BPTF: variants seen among roughly 807,000 people sequenced by gnomAD.
BPTF encodes the protein nucleosome-remodeling factor subunit BPTF.
Under a neutral mutation model 292.5 loss-of-function variants are expected in BPTF, and 18 were observed. The observed-to-expected ratio is 0.06, with a 90% CI of 0.04 to 0.09. The LOEUF is 0.09. BPTF is among the 10% of genes least tolerant of loss of function. BPTF has a pLI of 1.00. For missense variants in BPTF, 2,726 were observed against 3,498.7 expected, an observed-to-expected ratio of 0.78 and a Z score of 5.57; for synonymous variants, 1,225 against 1,251.9, an observed-to-expected ratio of 0.98 and a Z score of 0.45.
intron 9 of BPTF, among the ~76,000 whole-genome samples, chr17:67,907,969 A>G (rs1399694097): frequency 1.3e-5 from 2 of 152,140 alleles, no homozygotes; most frequent in African/African-American, 4.8e-5. Context: ...ATAAACTTCA[A>G]GGAGTCCAAG....
chr17:67,977,165 T>C (rs2069589932), intron 27 of BPTF, among the ~76,000 whole-genome samples: 2 of 152,162 alleles, frequency 1.3e-5, no homozygotes, highest in Non-Finnish European at 2.9e-5. Context: ...AGAATAAATA[T>C]ATTTTCAGTC....
Position 67,854,123 on chromosome 17 carries a change from G to C in BPTF, c.797G>C (p.Arg266Pro). The C allele has an allele frequency of 6.2e-7, 1 of 1,614,124 alleles. No individual in the cohort carries two copies. Among genetic ancestry groups the C allele is most frequent in the Non-Finnish European group, 8.5e-7 (1 of 1,180,020 alleles). ...FGTVLRLSPF[R>P]FEDFCAALVS... is the part of the protein sequence containing the mutation. ...ACTGTTTTGAGATTATCTCCTTTTC[G>C]CTTTGAGGACTTTTGTGCAGCTCTG... The change falls in exon 2 of 28, where the codon CGC becomes CCC. Residue 266 changes from arginine to proline, a missense_variant. Around this residue, in one of 22 missense-constraint regions of BPTF, gnomAD observed 102 missense variants for 212.6 expected, o/e 0.48. Coordinates refer to ENST00000306378, the MANE Select transcript of BPTF (RefSeq NM_182641.4). This position sits in a 1 kb window ranked among gnomAD's most constrained non-coding sequence, Gnocchi z 5.6.
chr17:67,893,982 A>G (rs578191805), intron 6 of BPTF, 52 bp from the exon 7 acceptor site: 76 of 1,594,196 alleles, frequency 4.8e-5, no homozygotes, highest in Admixed American at 6.9e-5. Context: ...TTGTGCTTTT[A>G]ATTTAAGGTC....
At position 67,911,956 on chromosome 17, in the gene BPTF, G is replaced by A. The variant is rs2062682045; in HGVS notation, c.4072G>A (p.Gly1358Ser). ...RLPVKGTEAN[G>S]KKPSQQKKLE... ...GCCGGTCAAGGGGACTGAAGCAAAT[G>A]GTAAAAAACCAAGTCAGCAGAAGAA... Residue 1358 changes from glycine (G) to serine (S), a missense_variant, in exon 11 of 28, where the codon GGT (glycine) becomes AGT (serine). Around this residue, in one of 22 missense-constraint regions of BPTF, gnomAD observed 713 missense variants for 714.9 expected, o/e 1.00. Transcript: ENST00000306378. 1 of 1,613,874 alleles carries A rather than the reference G, an allele frequency of 6.2e-7. No homozygotes were observed. Among genetic ancestry groups the A allele is most frequent in the Non-Finnish European group, 8.5e-7 (1 of 1,179,970 alleles).
rs564669703 is a variant in BPTF, at chr17:67,852,420, C to G, written c.614-1520C>G. On this transcript the variant is annotated intron_variant, in intron 1 of 27. Transcript: ENST00000306378. The stretch of plus-strand genomic sequence containing the variant: ...TACTATAAAAAGATTCTTATATGAC[C>G]TCTTAGATATATATATACCTTATCA... Among the ~76,000 whole-genome samples, 5 of 151,800 alleles carry G rather than the reference C, an allele frequency of 3.3e-5. No homozygotes were observed. In the South Asian group the frequency reaches 1.0e-3, roughly 32 times the overall value.
At chr17:67,857,774 ATTTC>A (rs1325947890) in intron 2 of BPTF, among the ~76,000 whole-genome samples, 2 of 127,398 alleles carry the variant, frequency 1.6e-5, no homozygotes, top group African/African-American at 3.0e-5. Flanking sequence ...GACTAACAAT[ATTTC>A]TTTCTTTTTT....
At chr17:67,925,766 A>G (rs2063816818) in intron 15 of BPTF, among the ~76,000 whole-genome samples, 1 of 152,078 alleles carries the variant, frequency 6.6e-6, no homozygotes, top group African/African-American at 2.4e-5. Context: ...CTTTCATTTT[A>G]TAAAACATTT....
Position 67,866,769 on chromosome 17 carries a change from A to G in BPTF, c.1660+82A>G, listed in dbSNP as rs546108527. On this transcript the variant is annotated intron_variant, in intron 3 of 27. Coordinates refer to ENST00000306378, the MANE Select transcript of BPTF (RefSeq NM_182641.4). Reference sequence around the variant, plus strand: ...TGAAATCACTGCAAAATTTGAAAATAGATTAAAATTTTCAAGTACAGTCGT... The same window carrying G: ...TGAAATCACTGCAAAATTTGAAAATGGATTAAAATTTTCAAGTACAGTCGT... 40 of 1,134,508 alleles carry G rather than the reference A, an allele frequency of 3.5e-5. No individual in the cohort carries two copies. The African/African-American group carries it at 5.8e-4, about 17-fold the overall frequency. The allele number at this position is 1,134,508 out of a possible 1,614,324, so 70.3% of individuals were successfully genotyped here.
chr17:67,927,872 G>T (rs1377446631), intron 15 of BPTF, among the ~76,000 whole-genome samples: 6 of 151,910 alleles, frequency 3.9e-5, no homozygotes, highest in Non-Finnish European at 8.8e-5. Context: ...CCTTCATCAA[G>T]AAATTAAATT....
At position 67,982,591 on chromosome 17, in the gene BPTF, G is replaced by C. The variant is rs1446350363; in HGVS notation, c.*303G>C. ...AGAAAGCAAGAAAAAAAGATACTAT[G>C]GGGTCAAGTGTAACTCCATGGAAAT... On this transcript the variant is annotated 3_prime_UTR_variant, in exon 28 of 28. Transcript: ENST00000306378. 1 of 255,494 alleles carries C rather than the reference G, an allele frequency of 3.9e-6. No individual in the cohort carries two copies. Among genetic ancestry groups the C allele is most frequent in the Non-Finnish European group, 7.4e-6 (1 of 134,368 alleles). 15.8% of individuals were successfully genotyped at this position (255,494 alleles called of 1,614,324 possible). A position where few individuals can be genotyped will look rare whatever the true frequency, so the allele number is the denominator to read the frequency against.
chr17:67,840,485 G>GC (rs1567873167), intron 1 of BPTF, among the ~76,000 whole-genome samples: 1 of 126,492 alleles, frequency 7.9e-6, no homozygotes, highest in Non-Finnish European at 1.5e-5. Context: ...TGCTGCTGCT[G>GC]CTCCTCCGCC....
chr17:67,843,025 A>G (rs977884592), intron 1 of BPTF, among the ~76,000 whole-genome samples: 3 of 151,508 alleles, frequency 2.0e-5, no homozygotes, highest in Non-Finnish European at 4.4e-5. Flanking sequence ...AAATATGTAT[A>G]GTGGTTTAAA....
At chr17:67,900,102 A>G (rs894640448) in intron 7 of BPTF, among the ~76,000 whole-genome samples, 1 of 151,912 alleles carries the variant, frequency 6.6e-6, no homozygotes, top group Non-Finnish European at 1.5e-5. Flanking sequence ...GTGTGTGCGC[A>G]TGTGTGTGTC....
intron 4 of BPTF, chr17:67,886,049 T>C: frequency 2.7e-6 from 3 of 1,112,146 alleles, no homozygotes; most frequent in Non-Finnish European, 3.9e-6. Flanking sequence ...AATGAAATCC[T>C]AAAACAATTG....
At chr17:67,959,282 G>T (rs1307429646) in intron 23 of BPTF, among the ~76,000 whole-genome samples, 1 of 152,340 alleles carries the variant, frequency 6.6e-6, no homozygotes, top group Non-Finnish European at 1.5e-5. Flanking sequence ...CTAGCCACTT[G>T]GCTCATCTTT....
chr17:67,906,255 AT>A (rs1322749413), intron 9 of BPTF, among the ~76,000 whole-genome samples: 1 of 151,760 alleles, frequency 6.6e-6, no homozygotes, highest in Non-Finnish European at 1.5e-5. Flanking sequence ...TAATTTTTGT[AT>A]TTTTTATAGA....
intron 23 of BPTF, 113 bp downstream of exon 23, chr17:67,948,419 C>G: frequency 2.1e-6 from 2 of 964,398 alleles, no homozygotes; most frequent in South Asian, 1.8e-5. Flanking sequence ...CTAGAACTTA[C>G]ATTTGTGTAC....
chr17:67,874,323 G>A (rs745848177), intron 3 of BPTF, among the ~76,000 whole-genome samples: 74 of 152,258 alleles, frequency 4.9e-4, no homozygotes, highest in Middle Eastern at 3.4e-3. Flanking sequence ...GTTTCCAAAA[G>A]GGCCTCTGTT....
In BPTF at chr17:67,984,020, A is replaced by C. The variant is rs1175654577; in HGVS notation, c.*1732A>C. The C allele has an allele frequency of 1.3e-5, 2 of 152,604 alleles. No homozygotes were observed. Among genetic ancestry groups the C allele is most frequent in the African/African-American group, 2.4e-5 (1 of 41,460 alleles). 9.5% of individuals were successfully genotyped at this position (152,604 alleles called of 1,614,324 possible). On this transcript the variant is annotated 3_prime_UTR_variant, in exon 28 of 28. Coordinates refer to ENST00000306378, the MANE Select transcript of BPTF (RefSeq NM_182641.4). ...TAATCGCTCAATATGAAAACATGAAAAAATTTTTGCTTAAAGTATTAAGAT... is the reference window on the plus strand; with the variant it reads ...TAATCGCTCAATATGAAAACATGAACAAATTTTTGCTTAAAGTATTAAGAT...
Sources: allele counts gnomAD v4.1 joint callset (sites outside exome capture counted in the v4.1 genomes callset), GRCh38; gene constraint gnomAD v4.1.1; regional missense constraint gnomAD v4.1.1; non-coding constraint Gnocchi (gnomAD v3.1); transcripts MANE v1.5; gene names NCBI Gene and HGNC (gene_info 2026-07-23, HGNC 2026-07-21).